The following APOL5 variants were observed in gnomAD, a reference collection of about 807,000 sequenced individuals.
The protein encoded by APOL5 is apolipoprotein L5, also known as apolipoprotein L, 5.
APOL5 carries 29 observed loss-of-function variants against 35.5 expected under a neutral mutation model. The observed-to-expected ratio is 0.82, with a 90% CI of 0.61 to 1.11. The LOEUF (loss-of-function observed/expected upper bound fraction) is 1.11, where lower values mean the gene tolerates loss of function less well. Ranked by LOEUF, APOL5 falls within the 50% of genes most tolerant of loss-of-function variation. APOL5 has a pLI of 0.00. For missense variants in APOL5, 514 were observed against 530.4 expected, an observed-to-expected ratio of 0.97 and a Z score of 0.30; for synonymous variants, 188 against 200.2, an observed-to-expected ratio of 0.94 and a Z score of 0.51.
At chr22:35,710,587 C>G in the APOL5 span, among the ~76,000 whole-genome samples, 1 of 151,918 alleles carries the variant, frequency 6.6e-6, no homozygotes, top group Non-Finnish European at 1.5e-5. Flanking sequence ...GTTAAGGGTA[C>G]AGGTCAGTGG....
the APOL5 span, among the ~76,000 whole-genome samples, chr22:35,709,326 T>C: frequency 2.6e-5 from 4 of 151,990 alleles, no homozygotes; most frequent in Non-Finnish European, 5.9e-5. Context: ...ACTAATAGCA[T>C]GCCAAAAAAA....
intron 2 of APOL5, among the ~76,000 whole-genome samples, chr22:35,721,474 C>T (rs528077438): frequency 1.3e-5 from 2 of 151,762 alleles, no homozygotes; most frequent in East Asian, 1.9e-4. Context: ...ACCCGGGAGG[C>T]GGAGGTTGCA....
chr22:35,718,062 G>A, intron 1 of APOL5, 136 bp downstream of exon 1: 1 of 573,236 alleles, frequency 1.7e-6, no homozygotes, highest in Non-Finnish European at 2.7e-6. Flanking sequence ...CAGATCCTTG[G>A]TTTTAATGAG....
At chr22:35,717,752 AAG>A (rs1491587765), upstream of APOL5, 1,808 of 362,924 alleles carry the variant, frequency 5.0e-3, 85 homozygotes, top group African/African-American at 0.031. Flanking sequence ...AAAAAAAAAA[AAG>A]AAAGAAAAGA....
At chr22:35,728,245 A>C (rs1320612208) in intron 3 of APOL5, among the ~76,000 whole-genome samples, 1 of 152,038 alleles carries the variant, frequency 6.6e-6, no homozygotes, top group African/African-American at 2.4e-5. Context: ...ATTTTTTGAG[A>C]CGGAGTCTCG....
upstream of APOL5, chr22:35,717,768 G>GGAAAAA: frequency 2.4e-6 from 1 of 409,700 alleles, no homozygotes; most frequent in South Asian, 1.1e-4. Flanking sequence ...GAAAAGAAAA[G>GGAAAAA]AAAAAAAAAT....
Position 35,727,154 on chromosome 22 carries a change from G to A in APOL5, c.1086G>A (p.Arg362=), listed in dbSNP as rs757057053. The change falls in exon 3 of 5, where the codon CGG becomes CGA. Residue 362 remains arginine (R), a synonymous_variant. Transcript: ENST00000249044. ...CGAGCCAGACCTGTTCCAGCTCCCGGGGCAGGGCTGTTCGAGGATCCCGTG... is the reference window on the plus strand; with the variant it reads ...CGAGCCAGACCTGTTCCAGCTCCCGAGGCAGGGCTGTTCGAGGATCCCGTG... ...QKASQTCSSS[R]GRAVRGSRVV... 1 of 1,606,672 alleles carries A rather than the reference G, an allele frequency of 6.2e-7. No individual in the cohort carries two copies. Among genetic ancestry groups the A allele is most frequent in the Admixed American group, 1.7e-5 (1 of 60,014 alleles).
At chr22:35,721,150 T>C (rs1216540703) in intron 2 of APOL5, among the ~76,000 whole-genome samples, 1 of 152,202 alleles carries the variant, frequency 6.6e-6, no homozygotes, top group African/African-American at 2.4e-5. Context: ...CCAAGTTGGC[T>C]GAAGTGTTGC....
At chr22:35,724,647 T>C (rs1303660217) in intron 2 of APOL5, among the ~76,000 whole-genome samples, 3 of 152,132 alleles carry the variant, frequency 2.0e-5, no homozygotes, top group Admixed American at 6.5e-5. Context: ...TTCACTCTGT[T>C]GCCCAGGCTG....
At chr22:35,724,074 AC>A (rs1310199766) in intron 2 of APOL5, among the ~76,000 whole-genome samples, 2 of 152,110 alleles carry the variant, frequency 1.3e-5, no homozygotes, top group African/African-American at 4.8e-5. Flanking sequence ...AGATCCCCAA[AC>A]TTTTGCTTTG....
In APOL5 at chr22:35,729,345, AT is replaced by A. The variant is rs1363146225; in HGVS notation, c.*7-8del. On this transcript the variant is annotated splice_polypyrimidine_tract_variant and splice_region_variant and intron_variant, in intron 4 of 4. Coordinates refer to ENST00000249044, the MANE Select transcript of APOL5 (RefSeq NM_030642.1). ...ACTATTTCCTTTCTTTTTTTTTTTT[AT>A]ACCCTAGTTGGTCACCCTGTCACCA... is the stretch of plus-strand genomic sequence containing the variant. 6.7e-6 allele frequency: 1 copy of A among 150,210 alleles called. No homozygotes were observed. The highest frequency in any genetic ancestry group is 1.5e-5 in the Non-Finnish European group (1 of 68,028). 9.3% of individuals were successfully genotyped at this position (150,210 alleles called of 1,614,324 possible).
At chr22:35,727,683 A>G (rs1280266256) in intron 3 of APOL5, among the ~76,000 whole-genome samples, 1 of 152,224 alleles carries the variant, frequency 6.6e-6, no homozygotes, top group African/African-American at 2.4e-5. Context: ...CCTCTTGTCC[A>G]TACCAGTATC....
intron 2 of APOL5, among the ~76,000 whole-genome samples, chr22:35,721,971 C>T (rs1341700717): frequency 2.6e-5 from 4 of 152,230 alleles, no homozygotes; most frequent in African/African-American, 4.8e-5. Flanking sequence ...GTTGCCTGCG[C>T]TTTCAGACAC....
intron 2 of APOL5, among the ~76,000 whole-genome samples, chr22:35,725,346 A>G (rs1012833186): frequency 6.6e-6 from 1 of 151,808 alleles, no homozygotes; most frequent in Non-Finnish European, 1.5e-5. Flanking sequence ...GCTCACTGCA[A>G]CCTCCACTTC....
chr22:35,714,682 C>G (rs1394678435), upstream of APOL5, among the ~76,000 whole-genome samples: 9 of 152,316 alleles, frequency 5.9e-5, no homozygotes, highest in East Asian at 9.7e-4. Context: ...CTGTGTCCTC[C>G]AGCAATGAAT....
intron 2 of APOL5, among the ~76,000 whole-genome samples, chr22:35,721,584 A>G (rs1245765109): frequency 6.6e-6 from 1 of 152,020 alleles, no homozygotes; most frequent in African/African-American, 2.4e-5. Flanking sequence ...GTACATTGGT[A>G]TACTGATAGA....
chr22:35,728,100 G>A (rs933312936), intron 3 of APOL5, among the ~76,000 whole-genome samples: 14 of 152,262 alleles, frequency 9.2e-5, no homozygotes, highest in African/African-American at 3.1e-4. Flanking sequence ...GGCTCCAAAT[G>A]TGTCTGCATG....
chr22:35,715,200 G>A (rs1040356149), upstream of APOL5, among the ~76,000 whole-genome samples: 8 of 152,206 alleles, frequency 5.3e-5, no homozygotes, highest in South Asian at 2.1e-4. Flanking sequence ...TCCCACTCCC[G>A]CTATATGATC....
upstream of APOL5, among the ~76,000 whole-genome samples, chr22:35,716,501 A>G (rs1926748508): frequency 6.6e-6 from 1 of 152,194 alleles, no homozygotes. Flanking sequence ...ATCTCAGGTG[A>G]TCCACCTGCC....
Sources: allele counts gnomAD v4.1 joint callset (sites outside exome capture counted in the v4.1 genomes callset), GRCh38; gene constraint gnomAD v4.1.1; transcripts MANE v1.5; gene names NCBI Gene and HGNC (gene_info 2026-07-23, HGNC 2026-07-21).